Variants in SLC8A3 observed in about 807,000 individuals in gnomAD.
SLC8A3 encodes solute carrier family 8 member A3.
In SLC8A3, 37 loss-of-function variants were observed where a neutral mutation model predicts 65.4. The observed-to-expected ratio is 0.57, with a 90% CI of 0.44 to 0.74. The LOEUF is 0.74. Ranked by LOEUF, SLC8A3 falls within the 30% of genes least tolerant of loss-of-function variation. The probability of loss-of-function intolerance (pLI) is 0.00; values close to 1 mark genes in which losing one functional copy is unlikely to be tolerated. For synonymous variants in SLC8A3, 461 were observed against 444.5 expected, an observed-to-expected ratio of 1.04 and a Z score of -0.47; for missense variants, 1,112 against 1,172.1, an observed-to-expected ratio of 0.95 and a Z score of 0.75.
intron 2 of SLC8A3, among the ~76,000 whole-genome samples, chr14:70,122,831 G>T (rs2098211756): frequency 6.6e-6 from 1 of 152,114 alleles, no homozygotes; most frequent in African/African-American, 2.4e-5. Context: ...CAGCACTTTG[G>T]GAGGCTGAGG....
chr14:70,129,037 C>A (rs957442836), intron 2 of SLC8A3, among the ~76,000 whole-genome samples: 1 of 152,162 alleles, frequency 6.6e-6, no homozygotes, highest in African/African-American at 2.4e-5. Flanking sequence ...TAAATCCCAA[C>A]ACATATCTCT....
At chr14:70,106,437 C>A (rs1286884020) in intron 2 of SLC8A3, among the ~76,000 whole-genome samples, 1 of 151,922 alleles carries the variant, frequency 6.6e-6, no homozygotes, top group East Asian at 1.9e-4. Context: ...TTTAGAGGCA[C>A]CTTTGGAAAG....
chr14:70,168,019 T>G lies in SLC8A3; in HGVS notation c.404A>C (p.Asn135Thr). 6.2e-7 allele frequency: 1 copy of G among 1,614,082 alleles called. No homozygotes were observed. The highest frequency in any genetic ancestry group is 8.5e-7 in the Non-Finnish European group (1 of 1,179,998). The change falls in exon 2 of 7, where the codon AAC (asparagine) becomes ACC (threonine). Residue 135 changes from asparagine to threonine, a missense_variant. By Grantham distance (65) the Asn-to-Thr change is moderately conservative (BLOSUM62 0). Coordinates refer to ENST00000356921, the MANE Select transcript of SLC8A3 (RefSeq NM_182932.3). ...GGAACCCAGGGCCATAAGGGTCAGG[T>G]TGGAGACAGTTTCATTCCAGACCCG... ...TIRVWNETVS[N>T]LTLMALGSSA...
intron 2 of SLC8A3, among the ~76,000 whole-genome samples, chr14:70,104,652 A>G (rs1892739367): frequency 6.6e-6 from 1 of 152,204 alleles, no homozygotes; most frequent in South Asian, 2.1e-4. Flanking sequence ...ATAGTAAGGT[A>G]TCTGTGAAAG....
Position 70,123,203 on chromosome 14 carries a change from C to A in SLC8A3, c.1784+43436G>T, listed in dbSNP as rs931904381. On this transcript the variant is annotated intron_variant, in intron 2 of 6. Coordinates refer to ENST00000356921, the MANE Select transcript of SLC8A3 (RefSeq NM_182932.3). Reference sequence around the variant, plus strand: ...GAGGTTGCAGTGAGCTGAGATCACGCCATTGCACTCCACCCTGGGTGACAG... The same window carrying A: ...GAGGTTGCAGTGAGCTGAGATCACGACATTGCACTCCACCCTGGGTGACAG... Among the ~76,000 whole-genome samples the A allele has an allele frequency of 6.2e-4, 94 of 151,766 alleles. 1 individual carries two copies. Among genetic ancestry groups the A allele is most frequent in the Admixed American group, 5.9e-4 (9 of 15,250 alleles).
intron 2 of SLC8A3, among the ~76,000 whole-genome samples, chr14:70,110,848 T>C (rs540149095): frequency 6.6e-5 from 10 of 151,718 alleles, no homozygotes; most frequent in African/African-American, 2.4e-4. Flanking sequence ...GCCTGGCTAA[T>C]TTTTTGTATT....
intron 2 of SLC8A3, among the ~76,000 whole-genome samples, chr14:70,075,875 C>A (rs546028237): frequency 6.6e-6 from 1 of 152,240 alleles, no homozygotes; most frequent in East Asian, 1.9e-4. Context: ...CTGGAGGGCT[C>A]GATAAAACAC....
intron 2 of SLC8A3, among the ~76,000 whole-genome samples, chr14:70,074,158 T>G (rs1478197530): frequency 1.3e-5 from 2 of 152,208 alleles, no homozygotes; most frequent in African/African-American, 4.8e-5. Flanking sequence ...TGCAGCACAG[T>G]GGCACTGGAT....
At chr14:70,071,251 A>G (rs1447273869) in intron 2 of SLC8A3, among the ~76,000 whole-genome samples, 1 of 152,220 alleles carries the variant, frequency 6.6e-6, no homozygotes, top group East Asian at 1.9e-4. Flanking sequence ...GTTCTGCCCC[A>G]ATCCTTGGAA....
At chr14:70,159,043 T>C (rs1228395283) in intron 2 of SLC8A3, among the ~76,000 whole-genome samples, 2 of 152,264 alleles carry the variant, frequency 1.3e-5, no homozygotes, top group Non-Finnish European at 2.9e-5. Flanking sequence ...TATATGTCAC[T>C]GGCTCTATGC....
At chr14:70,052,999 C>A (rs1887676993) in intron 3 of SLC8A3, among the ~76,000 whole-genome samples, 1 of 152,170 alleles carries the variant, frequency 6.6e-6, no homozygotes, top group Non-Finnish European at 1.5e-5. Context: ...GAAAGAAATT[C>A]ACTGAAAAGA....
At chr14:70,064,036 T>A (rs969884128) in intron 2 of SLC8A3, 1 of 664,394 alleles carries the variant, frequency 1.5e-6, no homozygotes, top group Non-Finnish European at 2.6e-6. Flanking sequence ...TTCAGAAAGA[T>A]CCAAGTTTGC....
At chr14:70,066,512 A>T (rs146283698) in intron 2 of SLC8A3, among the ~76,000 whole-genome samples, 4 of 152,140 alleles carry the variant, frequency 2.6e-5, no homozygotes, top group African/African-American at 9.6e-5. Context: ...TAAGACCCAG[A>T]TCAAAACACC....
chr14:70,094,166 G>A (rs1891995708), intron 2 of SLC8A3, among the ~76,000 whole-genome samples: 1 of 152,170 alleles, frequency 6.6e-6, no homozygotes, highest in South Asian at 2.1e-4. Context: ...GCCAGTCCAT[G>A]GCCTCCCCAC....
intron 2 of SLC8A3, among the ~76,000 whole-genome samples, chr14:70,066,354 G>C (rs1357563574): frequency 6.6e-6 from 1 of 152,164 alleles, no homozygotes; most frequent in African/African-American, 2.4e-5. Flanking sequence ...TTCCAAACTT[G>C]TTCTTTCCCA....
intron 2 of SLC8A3, among the ~76,000 whole-genome samples, chr14:70,130,828 G>A: frequency 6.6e-6 from 1 of 152,240 alleles, no homozygotes; most frequent in East Asian, 1.9e-4. Flanking sequence ...GCTTTCTGCT[G>A]TAGTCTAGAC....
chr14:70,143,836 C>T (rs529156433), intron 2 of SLC8A3, among the ~76,000 whole-genome samples: 10 of 152,300 alleles, frequency 6.6e-5, no homozygotes, highest in African/African-American at 2.2e-4. Flanking sequence ...TCTACCCAGG[C>T]TCTGAGCTGT....
Position 70,046,491 on chromosome 14 carries a change from T to TGACCTACCCAG in SLC8A3, c.2390-169_2390-168insCTGGGTAGGTC. On this transcript the variant is annotated intron_variant, in intron 6 of 6. Transcript: ENST00000356921. This position sits in a 1 kb window ranked among gnomAD's most constrained non-coding sequence, Gnocchi z 4.2. ...CTAGTTCTGCCGCAAGCAAGCCGTG[T>TGACCTACCCAG]GGCCCTGGGTAGGTCACATCCCTAG... The TGACCTACCCAG allele has an allele frequency of 1.6e-6, 1 of 643,824 alleles. No homozygotes were observed. Among genetic ancestry groups the TGACCTACCCAG allele is most frequent in the Non-Finnish European group, 2.6e-6 (1 of 381,528 alleles). The allele number at this position is 643,824 out of a possible 1,614,324, so 39.9% of individuals were successfully genotyped here.
intron 2 of SLC8A3, among the ~76,000 whole-genome samples, chr14:70,113,590 T>C (rs1252299292): frequency 6.6e-6 from 1 of 152,222 alleles, no homozygotes; most frequent in Non-Finnish European, 1.5e-5. Context: ...GTCATTTGTA[T>C]TCCAGAAGAT....
Sources: gnomAD v4.1 joint callset for allele counts (sites outside exome capture counted in the v4.1 genomes callset) on GRCh38, gnomAD v4.1.1 for gene constraint, Gnocchi (gnomAD v3.1) non-coding constraint, MANE v1.5 for transcripts, NCBI Gene and HGNC (gene_info 2026-07-23, HGNC 2026-07-21) for gene names.